Variants in POLR1E observed in about 807,000 individuals in gnomAD.
The protein encoded by POLR1E is RNA polymerase I subunit E.
A neutral mutation model predicts 50.9 loss-of-function variants in POLR1E; 37 were observed. The ratio of observed to expected loss-of-function variants is 0.73; its 90% CI spans 0.56 to 0.96. The LOEUF is 0.96. POLR1E is among the 40% of genes least tolerant of loss of function. The probability of loss-of-function intolerance (pLI) is 0.00; values close to 1 mark genes in which losing one functional copy is unlikely to be tolerated. For missense variants in POLR1E, 426 were observed against 518.1 expected (o/e 0.82, Z 1.73); for synonymous variants, 166 against 191.6 (o/e 0.87, Z 1.10).
Position 37,486,030 on chromosome 9 carries a change from G to C in POLR1E, c.-18G>C. ...TGCTGCTGTCTTAACTCCTGTGCTT[G>C]GCGGACAGACAGGCGAGATGGCGGC... On this transcript the variant is annotated 5_prime_UTR_variant, in exon 1 of 12. Coordinates refer to ENST00000377798, the MANE Select transcript of POLR1E (RefSeq NM_022490.4). 6.3e-7 allele frequency: 1 copy of C among 1,594,690 alleles called. No homozygotes were observed. The highest frequency in any genetic ancestry group is 8.5e-7 in the Non-Finnish European group (1 of 1,172,592).
intron 9 of POLR1E, among the ~76,000 whole-genome samples, chr9:37,500,366 G>T (rs1371192996): frequency 3.9e-5 from 6 of 151,912 alleles, no homozygotes; most frequent in Non-Finnish European, 2.9e-5. Context: ...TGTGTTTTTA[G>T]TAGAGATGGG....
rs948708211 is a variant in POLR1E, at chr9:37,497,974, A to G, written c.753-117A>G. 6 of 1,198,112 alleles carry G rather than the reference A, an allele frequency of 5.0e-6. No homozygotes were observed. The African/African-American group carries it at 7.8e-5, about 16-fold the overall frequency. The allele number at this position is 1,198,112 out of a possible 1,614,324, so 74.2% of individuals were successfully genotyped here. A position where few individuals can be genotyped will look rare whatever the true frequency, so the allele number is the denominator to read the frequency against. The stretch of plus-strand genomic sequence containing the variant: ...TTGCCTTGTTGCCCAGGGTTTCATC[A>G]GCTGTTGAGTGCGTCGGGGTGAGAG... On this transcript the variant is annotated intron_variant, in intron 8 of 11. Transcript: ENST00000377798.
chr9:37,495,744 C>A, intron 7 of POLR1E, 146 bp from the exon 8 acceptor site: 1 of 594,758 alleles, frequency 1.7e-6, no homozygotes, highest in Non-Finnish European at 3.1e-6. Flanking sequence ...ACTGAGTCAC[C>A]AAGCTCTGCC....
chr9:37,492,869 G>A (rs3739574), intron 5 of POLR1E, among the ~76,000 whole-genome samples, 154 bp downstream of exon 5: 32,794 of 152,138 alleles, frequency 0.22, 3,709 homozygotes, highest in East Asian at 0.26. Flanking sequence ...GTTTGTACCT[G>A]CAGAAGCCTC....
In POLR1E at chr9:37,486,548, G is replaced by A. The variant is rs184493927; in HGVS notation, c.77-155G>A. ...CTACCTCCTCTTCTCAGCTGGCCCC[G>A]GATCTCCTCCAGTTCCCTTTGGGTC... is the stretch of plus-strand genomic sequence containing the variant. On this transcript the variant is annotated intron_variant, in intron 1 of 11. Transcript: ENST00000377798. The A allele has an allele frequency of 2.6e-4, 415 of 1,585,288 alleles. 1 individual carries two copies. In the African/African-American group the frequency reaches 5.0e-3, roughly 19 times the overall value.
At chr9:37,495,331 CGTGT>C in intron 7 of POLR1E, 55 bp downstream of exon 7, 6 of 1,408,540 alleles carry the variant, frequency 4.3e-6, no homozygotes, top group Non-Finnish European at 6.0e-6. Flanking sequence ...GATGTTTGCA[CGTGT>C]GTGCAGTCAG....
chr9:37,502,946 TG>T, intron 11 of POLR1E, 96 bp from the exon 12 acceptor site: 1 of 1,284,358 alleles, frequency 7.8e-7, no homozygotes, highest in South Asian at 1.6e-5. Flanking sequence ...TCTGTCTTTA[TG>T]GCCTGGAGCA....
intron 4 of POLR1E, chr9:37,490,341 G>T: frequency 2.0e-6 from 1 of 508,058 alleles, no homozygotes. Context: ...ATATTTCTTT[G>T]GGGGAGAGAA....
rs1045352000 is a variant in POLR1E at position 37,486,738 on chromosome 9, A to G, written c.112A>G (p.Asn38Asp). 2.0e-5 allele frequency: 33 copies of G among 1,614,244 alleles called. No individual in the cohort carries two copies. The highest frequency in any genetic ancestry group is 2.7e-5 in the Non-Finnish European group (32 of 1,180,040). ...CAACGGGAAGCTACAGAGTCCAGGC[A>G]ACATGCGCTTTACCTTGTATGAGAA... Reference protein sequence around the residue: ...FSNGKLQSPGNMRFTLYENKD... With the variant: ...FSNGKLQSPGDMRFTLYENKD... The change falls in exon 2 of 12, where the codon AAC becomes GAC. Residue 38 changes from asparagine to aspartate, a missense_variant. By Grantham distance (23) the Asn-to-Asp change is conservative (BLOSUM62 1). Coordinates refer to ENST00000377798, the MANE Select transcript of POLR1E (RefSeq NM_022490.4).
intron 6 of POLR1E, among the ~76,000 whole-genome samples, chr9:37,494,554 C>A (rs1236218803): frequency 6.6e-6 from 1 of 152,168 alleles, no homozygotes; most frequent in Non-Finnish European, 1.5e-5. Flanking sequence ...CCTCCTACTT[C>A]AGCCTCCCAA....
intron 2 of POLR1E, among the ~76,000 whole-genome samples, chr9:37,487,331 T>C (rs1820594650): frequency 6.6e-6 from 1 of 152,210 alleles, no homozygotes; most frequent in South Asian, 2.1e-4. Flanking sequence ...GAGAGGTCTC[T>C]GCCAGAATGC....
intron 8 of POLR1E, among the ~76,000 whole-genome samples, chr9:37,496,441 C>G (rs991074412): frequency 8.6e-5 from 13 of 151,736 alleles, no homozygotes; most frequent in African/African-American, 2.9e-4. Context: ...TTTCCTTCTC[C>G]CTCCCCTTTC....
chr9:37,499,957 TCTC>T (rs753101233), intron 9 of POLR1E, among the ~76,000 whole-genome samples: 113 of 148,846 alleles, frequency 7.6e-4, no homozygotes, highest in Non-Finnish European at 1.4e-3. Flanking sequence ...TTCAAGGGAT[TCTC>T]CTGCCTCAGC....
rs773717789 is a variant in POLR1E at position 37,501,777 on chromosome 9, T to C, written c.1033T>C (p.Leu345=). 8 of 1,614,112 alleles carry C rather than the reference T, an allele frequency of 5.0e-6. No individual in the cohort carries two copies. The highest frequency in any genetic ancestry group is 1.1e-5 in the South Asian group (1 of 91,072). ...TACTGCATATGTGATCATACTTGCC[T>C]TGCACATACATGACTTCCAAATTGA... ...KITAYVIILA[L]HIHDFQIDLT... Residue 345 remains leucine, a synonymous_variant, in exon 11 of 12, where the codon TTG becomes CTG. Transcript: ENST00000377798.
At chr9:37,495,424 A>G (rs1820767182) in intron 7 of POLR1E, 148 bp downstream of exon 7, 2 of 699,412 alleles carry the variant, frequency 2.9e-6, no homozygotes, top group East Asian at 2.7e-5. Flanking sequence ...TGCTCTTGCC[A>G]GGAGGTTAAC....
intron 9 of POLR1E, among the ~76,000 whole-genome samples, chr9:37,498,576 C>T (rs1327097801): frequency 2.6e-5 from 4 of 152,146 alleles, no homozygotes; most frequent in South Asian, 4.1e-4. Context: ...ACATCAGCCA[C>T]GTGTGTGCGT....
chr9:37,486,640 A>G (rs1409636615), intron 1 of POLR1E, 63 bp from the exon 2 acceptor site: 4 of 1,605,622 alleles, frequency 2.5e-6, no homozygotes, highest in Non-Finnish European at 3.4e-6. Flanking sequence ...GTCCCACCGT[A>G]CATTGTGTGG....
intron 8 of POLR1E, 29 bp from the exon 9 acceptor site, chr9:37,498,062 C>T (rs753981493): frequency 4.4e-6 from 7 of 1,608,148 alleles, no homozygotes; most frequent in Middle Eastern, 1.7e-4. Flanking sequence ...TACCCTGACA[C>T]AGGCCTCCTT....
At chr9:37,486,901 G>C in intron 2 of POLR1E, 95 bp downstream of exon 2, 2 of 1,437,340 alleles carry the variant, frequency 1.4e-6, no homozygotes, top group Non-Finnish European at 1.9e-6. Flanking sequence ...GAGAAAAAGG[G>C]GAGTAGTAGC....
Sources: allele counts gnomAD v4.1 joint callset (sites outside exome capture counted in the v4.1 genomes callset), GRCh38; gene constraint gnomAD v4.1.1; transcripts MANE v1.5; gene names NCBI Gene and HGNC (gene_info 2026-07-23, HGNC 2026-07-21).